The following OPCML variants were observed in gnomAD, a reference collection of about 807,000 sequenced individuals.
OPCML encodes opioid binding protein/cell adhesion molecule like, also known as opioid-binding protein/cell adhesion molecule.
OPCML carries 13 observed loss-of-function variants against 37.8 expected under a neutral mutation model. The observed-to-expected ratio is 0.34, with a 90% CI of 0.22 to 0.55. The LOEUF (loss-of-function observed/expected upper bound fraction) is 0.55, where lower values mean the gene tolerates loss of function less well. Among genes scored for constraint, OPCML ranks in the 20% least tolerant of loss-of-function variants. OPCML has a pLI of 0.91. For missense variants in OPCML, 341 were observed against 435.6 expected (o/e 0.78, Z 1.93); for synonymous variants, 176 against 168.8 (o/e 1.04, Z -0.33).
chr11:133,128,951 C>T (rs1040704455), intron 1 of OPCML, among the ~76,000 whole-genome samples: 1 of 152,128 alleles, frequency 6.6e-6, no homozygotes, highest in Non-Finnish European at 1.5e-5. Context: ...AAAAAACACA[C>T]AGAATATCTA....
intron 1 of OPCML, among the ~76,000 whole-genome samples, chr11:133,193,908 T>C (rs1938424850): frequency 2.6e-5 from 4 of 152,092 alleles, no homozygotes; most frequent in Admixed American, 2.6e-4. Flanking sequence ...TGCCCCATAA[T>C]GAAAACAGAA....
At chr11:133,454,436 T>C (rs1449620898) in intron 1 of OPCML, among the ~76,000 whole-genome samples, 2 of 152,194 alleles carry the variant, frequency 1.3e-5, no homozygotes, top group Non-Finnish European at 2.9e-5. Context: ...TCTATAGTTT[T>C]TCCCCCCGTC....
At chr11:133,003,131 T>G (rs1045262450) in intron 1 of OPCML, among the ~76,000 whole-genome samples, 3 of 152,334 alleles carry the variant, frequency 2.0e-5, no homozygotes, top group African/African-American at 4.8e-5. Flanking sequence ...TTATTTAAAT[T>G]GAGAAAATGT....
At chr11:133,397,482 C>T (rs924762139) in intron 1 of OPCML, among the ~76,000 whole-genome samples, 4 of 152,174 alleles carry the variant, frequency 2.6e-5, no homozygotes, top group African/African-American at 9.7e-5. Flanking sequence ...TCAGATAGTC[C>T]TGCTTTGTAA....
chr11:133,136,089 C>A (rs951204079), intron 1 of OPCML, among the ~76,000 whole-genome samples: 2 of 152,212 alleles, frequency 1.3e-5, no homozygotes, highest in Non-Finnish European at 2.9e-5. Context: ...AAACTCATTA[C>A]TGGCATTTGC....
In OPCML at chr11:132,963,574, G is replaced by A. The variant is rs1331973775; in HGVS notation, c.62-20564C>T. On this transcript the variant is annotated intron_variant, in intron 1 of 7. Transcript: ENST00000524381. ...GCCACTGCACTCCAGCCTAGTGACA[G>A]AGCAAGACTGGGTCTCAAAAAAAAA... Among the ~76,000 whole-genome samples the A allele has an allele frequency of 2.0e-5, 3 of 148,658 alleles. No individual in the cohort carries two copies. The South Asian group carries it at 6.5e-4, about 32-fold the overall frequency.
chr11:133,063,635 C>T (rs1192302599), intron 1 of OPCML, among the ~76,000 whole-genome samples: 2 of 151,600 alleles, frequency 1.3e-5, no homozygotes, highest in African/African-American at 2.4e-5. Flanking sequence ...GATCTTGGCT[C>T]ACTACAACCT....
chr11:133,350,777 A>G (rs1944118324), intron 1 of OPCML, among the ~76,000 whole-genome samples: 1 of 152,204 alleles, frequency 6.6e-6, no homozygotes, highest in African/African-American at 2.4e-5. Context: ...CCTCCTATGT[A>G]CTAGGCATAC....
chr11:132,479,475 C>A (rs1445925204), intron 4 of OPCML, among the ~76,000 whole-genome samples: 2 of 152,200 alleles, frequency 1.3e-5, no homozygotes. Context: ...CCCAGGCTTG[C>A]TTAGGTAAAC....
At chr11:132,856,854 G>A (rs1209416538) in intron 2 of OPCML, among the ~76,000 whole-genome samples, 2 of 152,146 alleles carry the variant, frequency 1.3e-5, no homozygotes, top group Non-Finnish European at 2.9e-5. Context: ...GTCAAAGGCC[G>A]CACAGCACAC....
chr11:133,006,462 T>G (rs1226880948), intron 1 of OPCML: 28 of 985,310 alleles, frequency 2.8e-5, no homozygotes, highest in Admixed American at 6.1e-5. Flanking sequence ...AGTGAGCTCT[T>G]TAAAGGATCA....
chr11:132,909,126 G>A (rs1289049693), intron 2 of OPCML, among the ~76,000 whole-genome samples: 2 of 152,190 alleles, frequency 1.3e-5, no homozygotes, highest in African/African-American at 2.4e-5. Context: ...TGCAGCCCTT[G>A]GGAGGTCGTC....
chr11:133,048,094 C>T (rs1948057579), intron 1 of OPCML, among the ~76,000 whole-genome samples: 1 of 152,114 alleles, frequency 6.6e-6, no homozygotes, highest in African/African-American at 2.4e-5. Flanking sequence ...GCATGCATGG[C>T]TTCCCCAGAT....
chr11:132,591,543 G>A (rs2096484462), intron 3 of OPCML, among the ~76,000 whole-genome samples: 1 of 152,112 alleles, frequency 6.6e-6, no homozygotes, highest in South Asian at 2.1e-4. Flanking sequence ...CTAATCACAG[G>A]ATCAGGGAGT....
intron 3 of OPCML, among the ~76,000 whole-genome samples, chr11:132,576,963 A>G (rs2137603210): frequency 6.6e-6 from 1 of 152,266 alleles, no homozygotes; most frequent in East Asian, 1.9e-4. Flanking sequence ...CTGAGATCAC[A>G]GTCTGACCCC....
intron 1 of OPCML, among the ~76,000 whole-genome samples, chr11:133,314,986 G>A (rs534755776): frequency 6.9e-3 from 414 of 60,066 alleles, no homozygotes; most frequent in African/African-American, 0.041. Context: ...GTGTGTGTGC[G>A]TGTGTGTGTG....
At chr11:132,432,959 C>A (rs1479864126) in intron 7 of OPCML, among the ~76,000 whole-genome samples, 2 of 152,164 alleles carry the variant, frequency 1.3e-5, no homozygotes, top group Admixed American at 6.5e-5. Flanking sequence ...TGTGTGAGTG[C>A]AGCAGTCAAA....
intron 1 of OPCML, among the ~76,000 whole-genome samples, chr11:132,981,865 G>A (rs559599983): frequency 4.6e-5 from 7 of 152,268 alleles, no homozygotes; most frequent in South Asian, 4.1e-4. Flanking sequence ...TGTGTTAGGC[G>A]TTTCACATTT....
chr11:133,231,326 A>G lies in OPCML; in HGVS notation c.62-288316T>C, dbSNP rs75268857. On this transcript the variant is annotated intron_variant, in intron 1 of 7. Transcript: ENST00000524381. ...GCATGGGGAAAAGAATGGCCCCTGT[A>G]CCCCAAAACCCAAGATCAAATCCCT... Among the ~76,000 whole-genome samples the G allele has an allele frequency of 8.9e-4, 135 of 152,206 alleles. 1 individual carries two copies. The highest frequency in any genetic ancestry group is 3.2e-3 in the African/African-American group (133 of 41,550).
Sources: allele counts gnomAD v4.1 joint callset (sites outside exome capture counted in the v4.1 genomes callset), GRCh38; gene constraint gnomAD v4.1.1; transcripts MANE v1.5; gene names NCBI Gene and HGNC (gene_info 2026-07-23, HGNC 2026-07-21).